Variants in CACNA1G observed in about 807,000 individuals in gnomAD.
CACNA1G encodes voltage-dependent T-type calcium channel subunit alpha-1G.
In CACNA1G, 67 loss-of-function variants were observed where a neutral mutation model predicts 219.4. The ratio of observed to expected loss-of-function variants is 0.31; its 90% CI spans 0.25 to 0.37. The LOEUF (loss-of-function observed/expected upper bound fraction) is 0.37. Among genes scored for constraint, CACNA1G ranks in the 10% least tolerant of loss-of-function variants. The pLI, the probability that CACNA1G is intolerant of heterozygous loss-of-function variation, is 1.00. For synonymous variants in CACNA1G, 1,296 were observed against 1,345.3 expected (o/e 0.96, Z 0.80); for missense variants, 2,380 against 3,231.4 (o/e 0.74, Z 6.39).
intron 4 of CACNA1G, among the ~76,000 whole-genome samples, chr17:50,570,795 G>A (rs558096622): frequency 6.6e-6 from 1 of 152,206 alleles, no homozygotes; most frequent in Non-Finnish European, 1.5e-5. Context: ...CTCAGTTGGA[G>A]CACAGAGAAG....
At chr17:50,613,742 T>C (rs930696210) in intron 26 of CACNA1G, among the ~76,000 whole-genome samples, 12 of 152,208 alleles carry the variant, frequency 7.9e-5, no homozygotes, top group African/African-American at 2.4e-4. Flanking sequence ...GCAGAGAAAA[T>C]GTTCCGGCTG....
At chr17:50,610,876 GA>G (rs2049044663) in intron 26 of CACNA1G, among the ~76,000 whole-genome samples, 1 of 152,184 alleles carries the variant, frequency 6.6e-6, no homozygotes, top group African/African-American at 2.4e-5. Flanking sequence ...TGATGGCAAA[GA>G]AAGACCATTT....
chr17:50,612,675 T>G (rs1215315203), intron 26 of CACNA1G, among the ~76,000 whole-genome samples: 1 of 152,242 alleles, frequency 6.6e-6, no homozygotes, highest in Non-Finnish European at 1.5e-5. Flanking sequence ...TTGGGCTCCC[T>G]GTGACTCCTA....
chr17:50,561,632 C>G lies in CACNA1G; in HGVS notation c.173C>G (p.Pro58Arg). Residue 58 changes from proline (P) to arginine (R), a missense_variant, in exon 1 of 38, where the codon CCG (proline) becomes CGG (arginine). By Grantham distance (103) the Pro-to-Arg change is moderately radical. Transcript: ENST00000359106. ...AEGLPYPALAPVVFFYLSQDS... is the reference protein window; with the variant it reads ...AEGLPYPALARVVFFYLSQDS... ...GGGCTGCCGTACCCGGCGCTGGCCC[C>G]GGTGGTTTTCTTCTACTTGAGCCAG... is the stretch of plus-strand genomic sequence containing the variant. The G allele has an allele frequency of 6.2e-7, 1 of 1,604,002 alleles. No homozygotes were observed. The highest frequency in any genetic ancestry group is 8.5e-7 in the Non-Finnish European group (1 of 1,176,260).
At chr17:50,572,123 T>C in intron 5 of CACNA1G, 86 bp downstream of exon 5, 1 of 1,394,638 alleles carries the variant, frequency 7.2e-7, no homozygotes. Flanking sequence ...CGGTTGCTAC[T>C]GACATATCTG....
At chr17:50,624,220 C>A (rs2146464229) in intron 36 of CACNA1G, 140 bp from the exon 37 acceptor site, 4 of 1,266,266 alleles carry the variant, frequency 3.2e-6, no homozygotes, top group South Asian at 1.4e-5. Context: ...GGGGGAATGG[C>A]TTTGAGTCCA....
At chr17:50,604,838 C>A (rs1343339076) in intron 22 of CACNA1G, among the ~76,000 whole-genome samples, 1 of 152,218 alleles carries the variant, frequency 6.6e-6, no homozygotes. Flanking sequence ...GGCCGGGGAG[C>A]CCCTCCATCA....
At chr17:50,587,483 A>G (rs750243534) in intron 9 of CACNA1G, among the ~76,000 whole-genome samples, 3 of 152,160 alleles carry the variant, frequency 2.0e-5, no homozygotes, top group East Asian at 1.9e-4. Context: ...TTGTGTCTCT[A>G]TGTCCTCGTC....
At chr17:50,597,875 A>T (rs907711202) in intron 16 of CACNA1G, among the ~76,000 whole-genome samples, 5 of 152,188 alleles carry the variant, frequency 3.3e-5, no homozygotes, top group Non-Finnish European at 7.3e-5. Flanking sequence ...TGGATTTCAC[A>T]TATAAGTGAG....
At position 50,621,822 on chromosome 17, in the gene CACNA1G, C is replaced by T. The variant is rs755760419; in HGVS notation, c.6060+28C>T. 2.4e-5 allele frequency: 39 copies of T among 1,611,216 alleles called. No individual in the cohort carries two copies. The highest frequency in any genetic ancestry group is 6.7e-5 in the Admixed American group (4 of 59,996). ...ACATACACACTGCCCTCACTGCTCC[C>T]GGCCACCCCCGGGGCTGGACTGGCT... On this transcript the variant is annotated intron_variant, in intron 35 of 37. Coordinates refer to ENST00000359106, the MANE Select transcript of CACNA1G (RefSeq NM_018896.5). The surrounding 1 kb of genome is among the most constrained non-coding windows in gnomAD (Gnocchi z 4.6).
At position 50,611,419 on chromosome 17, in the gene CACNA1G, G is replaced by A. The variant is rs1361151558; in HGVS notation, c.4759+1484G>A. On this transcript the variant is annotated intron_variant, in intron 26 of 37. Coordinates refer to ENST00000359106, the MANE Select transcript of CACNA1G (RefSeq NM_018896.5). ...CTGGGGATGTTGGGTGTCATGATCTGTGGGGCCTCAGGGACCCACCCAAGA... is the reference window on the plus strand; with the variant it reads ...CTGGGGATGTTGGGTGTCATGATCTATGGGGCCTCAGGGACCCACCCAAGA... 2.6e-5 allele frequency among the ~76,000 whole-genome samples: 4 copies of A among 152,154 alleles called. 1 individual carries two copies. The South Asian group carries it at 8.3e-4, about 32-fold the overall frequency.
chr17:50,588,944 C>T (rs1406304458), intron 9 of CACNA1G, among the ~76,000 whole-genome samples: 1 of 152,220 alleles, frequency 6.6e-6, no homozygotes, highest in African/African-American at 2.4e-5. Context: ...ATTTGGGTGT[C>T]CTCAGGCCTG....
chr17:50,625,880 C>G, intron 37 of CACNA1G, 137 bp from the exon 38 acceptor site: 1 of 876,600 alleles, frequency 1.1e-6, no homozygotes, highest in South Asian at 1.8e-5. Flanking sequence ...CTAGTAAGAG[C>G]GGCTACCAGG....
chr17:50,568,339 G>A (rs1349157893), intron 1 of CACNA1G, among the ~76,000 whole-genome samples: 2 of 152,132 alleles, frequency 1.3e-5, no homozygotes, highest in African/African-American at 2.4e-5. Context: ...CAACTTCCTC[G>A]AGTTCTGGGG....
At chr17:50,608,571 A>C (rs925496882) in intron 25 of CACNA1G, among the ~76,000 whole-genome samples, 1 of 151,688 alleles carries the variant, frequency 6.6e-6, no homozygotes, top group South Asian at 2.1e-4. Context: ...TTAAAAAAAG[A>C]AAAAGCAAAA....
chr17:50,614,161 T>C (rs1378268046), intron 26 of CACNA1G, among the ~76,000 whole-genome samples: 3 of 152,162 alleles, frequency 2.0e-5, no homozygotes, highest in African/African-American at 7.2e-5. Context: ...CCCAGGCCGC[T>C]CCTTGCCTCA....
At chr17:50,570,589 G>GTGTGTGT (rs1567968386) in intron 4 of CACNA1G, among the ~76,000 whole-genome samples, 1 of 150,538 alleles carries the variant, frequency 6.6e-6, no homozygotes, top group East Asian at 2.0e-4. Context: ...GTGTGTGTGT[G>GTGTGTGT]ATGTTGCTGC....
In CACNA1G at chr17:50,578,252, T is replaced by A; in HGVS notation, c.1989T>A (p.Gly663=). 1 of 1,611,380 alleles carries A rather than the reference T, an allele frequency of 6.2e-7. No individual in the cohort carries two copies. The highest frequency in any genetic ancestry group is 1.1e-5 in the South Asian group (1 of 91,014). ...TGAAAGCAGACAGTGGAGCCTGTGG[T>A]CCAGACAGCTGCCCCTACTGTGCCC... The part of the protein sequence containing the change: ...PCLKADSGAC[G]PDSCPYCARA... Residue 663 remains glycine (G), a synonymous_variant, in exon 9 of 38, where the codon GGT becomes GGA. Transcript: ENST00000359106. This position sits in a 1 kb window ranked among gnomAD's most constrained non-coding sequence, Gnocchi z 4.5.
At chr17:50,624,111 A>G in intron 36 of CACNA1G, 36 bp downstream of exon 36, 1 of 1,596,774 alleles carries the variant, frequency 6.3e-7, no homozygotes, top group Non-Finnish European at 8.6e-7. Flanking sequence ...TGGCTCACAC[A>G]GGGAGATTCC....
Sources: allele counts gnomAD v4.1 joint callset (sites outside exome capture counted in the v4.1 genomes callset), GRCh38; gene constraint gnomAD v4.1.1; non-coding constraint Gnocchi (gnomAD v3.1); transcripts MANE v1.5; gene names NCBI Gene and HGNC (gene_info 2026-07-23, HGNC 2026-07-21).